The following UVRAG variants were observed in gnomAD, a reference collection of about 807,000 sequenced individuals.
UVRAG encodes the protein UV radiation resistance-associated gene protein.
A neutral mutation model predicts 78.0 loss-of-function variants in UVRAG; 19 were observed. That is an observed-to-expected ratio of 0.24 (90% CI 0.17 to 0.36). The LOEUF (loss-of-function observed/expected upper bound fraction) is 0.36, where lower values mean the gene tolerates loss of function less well. UVRAG is among the 10% of genes least tolerant of loss of function. The pLI is 1.00. For missense variants in UVRAG, 740 were observed against 853.8 expected, an observed-to-expected ratio of 0.87 and a Z score of 1.66; for synonymous variants, 323 against 324.6, an observed-to-expected ratio of 1.00 and a Z score of 0.05.
At chr11:76,112,481 A>G (rs549579988) in intron 13 of UVRAG, among the ~76,000 whole-genome samples, 15 of 152,192 alleles carry the variant, frequency 9.9e-5, no homozygotes, top group Non-Finnish European at 1.8e-4. Context: ...AGATCAAGAA[A>G]GAAGACAATC....
chr11:75,983,708 T>C (rs551789386), intron 8 of UVRAG, 195 bp downstream of exon 8: 14 of 703,394 alleles, frequency 2.0e-5, no homozygotes, highest in African/African-American at 1.3e-4. Context: ...TTACACAAGC[T>C]CAGATGGTAT....
chr11:75,903,020 C>A (rs1947540814), intron 5 of UVRAG, among the ~76,000 whole-genome samples: 1 of 152,176 alleles, frequency 6.6e-6, no homozygotes, highest in Non-Finnish European at 1.5e-5. Context: ...AGCCCAAATT[C>A]AGTCAGTTGT....
At chr11:75,854,797 C>G (rs549686171) in intron 2 of UVRAG, among the ~76,000 whole-genome samples, 18 of 152,300 alleles carry the variant, frequency 1.2e-4, no homozygotes, top group Non-Finnish European at 2.4e-4. Flanking sequence ...AACAATTTGG[C>G]TACTATTTGG....
In UVRAG at chr11:76,140,957, C is replaced by T. The variant is rs1396385515; in HGVS notation, c.1644C>T (p.Ser548=). Residue 548 remains serine, a synonymous_variant, in exon 15 of 15, where the codon TCC becomes TCT. Coordinates refer to ENST00000356136, the MANE Select transcript of UVRAG (RefSeq NM_003369.4). ...CCGAGAGAAAGATAACATCTCTATC[C>T]TCCTCCTTGGATACCTCCTTGGACT... ...GETERKITSL[S]SSLDTSLDFS... 2 of 1,614,050 alleles carry T rather than the reference C, an allele frequency of 1.2e-6. No individual in the cohort carries two copies. The highest frequency in any genetic ancestry group is 1.7e-6 in the Non-Finnish European group (2 of 1,180,042).
intron 6 of UVRAG, among the ~76,000 whole-genome samples, chr11:75,956,662 G>C (rs372914734): frequency 6.6e-6 from 1 of 152,166 alleles, no homozygotes; most frequent in Non-Finnish European, 1.5e-5. Context: ...ATAATTGCAA[G>C]AACTGTAGTT....
chr11:76,133,420 C>T (rs1952546238), intron 14 of UVRAG, among the ~76,000 whole-genome samples: 1 of 152,016 alleles, frequency 6.6e-6, no homozygotes, highest in Admixed American at 6.6e-5. Flanking sequence ...TTCTCTTTCC[C>T]AATCTCTTTT....
chr11:76,098,160 A>G (rs997629563), intron 13 of UVRAG, among the ~76,000 whole-genome samples: 129 of 152,324 alleles, frequency 8.5e-4, no homozygotes, highest in Non-Finnish European at 1.1e-3. Flanking sequence ...GAAGTTAGAA[A>G]GAAAAATTAA....
intron 6 of UVRAG, among the ~76,000 whole-genome samples, chr11:75,930,502 AATATT>A (rs1948210384): frequency 6.6e-6 from 1 of 152,226 alleles, no homozygotes; most frequent in African/African-American, 2.4e-5. Context: ...ATGATAAACT[AATATT>A]ATAGAACTGT....
intron 12 of UVRAG, among the ~76,000 whole-genome samples, chr11:76,056,807 A>G (rs1950992806): frequency 1.3e-5 from 2 of 152,284 alleles, no homozygotes; most frequent in South Asian, 4.1e-4. Flanking sequence ...GTTAAAATTG[A>G]TTAGTACCCC....
At chr11:75,856,075 C>T (rs148932374) in intron 2 of UVRAG, among the ~76,000 whole-genome samples, 6 of 152,184 alleles carry the variant, frequency 3.9e-5, no homozygotes, top group Non-Finnish European at 8.8e-5. Flanking sequence ...CTGCAAGCTC[C>T]GCCTCCTGGG....
At chr11:75,833,894 TC>T (rs1320397125) in intron 1 of UVRAG, among the ~76,000 whole-genome samples, 7 of 152,232 alleles carry the variant, frequency 4.6e-5, no homozygotes, top group African/African-American at 1.4e-4. Flanking sequence ...GGCCAGGTGT[TC>T]CTTGCCTTCA....
At chr11:75,962,699 AG>A (rs1948932455) in intron 7 of UVRAG, among the ~76,000 whole-genome samples, 1 of 152,260 alleles carries the variant, frequency 6.6e-6, no homozygotes, top group South Asian at 2.1e-4. Flanking sequence ...AATATATTGA[AG>A]GGGGAGGAAA....
intron 13 of UVRAG, among the ~76,000 whole-genome samples, chr11:76,094,222 T>A (rs1283027844): frequency 3.3e-5 from 5 of 152,176 alleles, no homozygotes; most frequent in Admixed American, 3.3e-4. Context: ...TTGATCATGG[T>A]GGATAAGCTT....
At chr11:75,904,094 CTA>C (rs1947565977) in intron 5 of UVRAG, among the ~76,000 whole-genome samples, 3 of 152,268 alleles carry the variant, frequency 2.0e-5, no homozygotes, top group South Asian at 2.1e-4. Flanking sequence ...AAAAATAAGA[CTA>C]TGTGACAGAA....
intron 2 of UVRAG, among the ~76,000 whole-genome samples, chr11:75,852,556 A>G (rs899630853): frequency 6.6e-6 from 1 of 152,164 alleles, no homozygotes; most frequent in African/African-American, 2.4e-5. Context: ...GCACTGAGAC[A>G]TAATCCGTTG....
intron 7 of UVRAG, among the ~76,000 whole-genome samples, chr11:75,981,677 A>G (rs1183595203): frequency 6.6e-6 from 1 of 151,860 alleles, no homozygotes; most frequent in Non-Finnish European, 1.5e-5. Flanking sequence ...TAGTATTCTG[A>G]TGACACAAAA....
chr11:75,902,785 T>C (rs1324396321), intron 5 of UVRAG, among the ~76,000 whole-genome samples: 1 of 152,136 alleles, frequency 6.6e-6, no homozygotes, highest in East Asian at 1.9e-4. Flanking sequence ...ATTGACATAA[T>C]CCAAGCTCAG....
At chr11:75,949,086 G>A (rs1244436548) in intron 6 of UVRAG, among the ~76,000 whole-genome samples, 3 of 152,182 alleles carry the variant, frequency 2.0e-5, no homozygotes, top group African/African-American at 7.2e-5. Context: ...TGGCTAGGTG[G>A]CAGTCTATCT....
intron 1 of UVRAG, chr11:75,835,088 A>G (rs1314938289): frequency 6.6e-6 from 1 of 152,272 alleles, no homozygotes; most frequent in Non-Finnish European, 1.5e-5. Flanking sequence ...GGCACACAGT[A>G]GTACGGAGAC....
Sources: gnomAD v4.1 joint callset for allele counts (sites outside exome capture counted in the v4.1 genomes callset) on GRCh38, gnomAD v4.1.1 for gene constraint, MANE v1.5 for transcripts, NCBI Gene and HGNC (gene_info 2026-07-23, HGNC 2026-07-21) for gene names.